Variants in SLC5A11 observed in about 807,000 individuals in gnomAD.
SLC5A11 encodes the protein solute carrier family 5 member 11, also known as sodium/myo-inositol cotransporter 2.
In SLC5A11, 48 loss-of-function variants were observed where a neutral mutation model predicts 69.8. The observed-to-expected ratio is 0.69, with a 90% CI of 0.55 to 0.87. SLC5A11 has a LOEUF of 0.87. Among genes scored for constraint, SLC5A11 ranks in the 40% least tolerant of loss-of-function variants. SLC5A11 has a pLI of 0.00. For synonymous variants in SLC5A11, 319 were observed against 342.4 expected, an observed-to-expected ratio of 0.93 and a Z score of 0.75; for missense variants, 784 against 866.1, an observed-to-expected ratio of 0.91 and a Z score of 1.19.
At chr16:24,849,587 AAAAAAAATAT>A (rs1384904390) in intron 1 of SLC5A11, among the ~76,000 whole-genome samples, 16 of 81,882 alleles carry the variant, frequency 2.0e-4, no homozygotes, top group African/African-American at 4.8e-4. Context: ...AAAAAAAAAA[AAAAAAAATAT>A]ATATATATAT....
chr16:24,909,381 T>C (rs2050322260), intron 14 of SLC5A11, among the ~76,000 whole-genome samples: 1 of 152,104 alleles, frequency 6.6e-6, no homozygotes, highest in African/African-American at 2.4e-5. Context: ...GGCTCATGCC[T>C]GTAATCCCAG....
At chr16:24,848,355 C>T (rs2059121048) in intron 1 of SLC5A11, among the ~76,000 whole-genome samples, 1 of 152,138 alleles carries the variant, frequency 6.6e-6, no homozygotes, top group South Asian at 2.1e-4. Flanking sequence ...ATGCCTGCAA[C>T]CTCAGTGCTT....
chr16:24,867,802 C>T (rs1459836521), intron 3 of SLC5A11, among the ~76,000 whole-genome samples: 1 of 151,998 alleles, frequency 6.6e-6, no homozygotes, highest in Admixed American at 6.6e-5. Flanking sequence ...AGTACCAAAA[C>T]TGACTCAAGT....
chr16:24,911,166 C>CAAAA (rs59292009), intron 15 of SLC5A11, among the ~76,000 whole-genome samples, 162 bp from the exon 17 acceptor site: 129 of 65,998 alleles, frequency 2.0e-3, no homozygotes, highest in African/African-American at 5.5e-3. Flanking sequence ...GAGACTCTCT[C>CAAAA]AAAAAAAAAA....
intron 7 of SLC5A11, 41 bp downstream of exon 8, chr16:24,877,404 G>C: frequency 6.6e-7 from 1 of 1,511,690 alleles, no homozygotes; most frequent in Admixed American, 1.7e-5. Context: ...GAGGCAGTGG[G>C]CAGGGGCTGT....
intron 15 of SLC5A11, among the ~76,000 whole-genome samples, chr16:24,910,828 C>T (rs150016967): frequency 3.2e-3 from 490 of 152,232 alleles, no homozygotes; most frequent in African/African-American, 0.011. Flanking sequence ...CATATTTTGG[C>T]TTAGCCCACC....
intron 5 of SLC5A11, 85 bp downstream of exon 6, chr16:24,872,304 C>T: frequency 8.9e-6 from 13 of 1,466,050 alleles, no homozygotes; most frequent in Non-Finnish European, 1.2e-5. Flanking sequence ...ATCCCGCCAT[C>T]CCTCCCTCCT....
chr16:24,865,706 G>C (rs950112688), intron 3 of SLC5A11, among the ~76,000 whole-genome samples: 2 of 152,014 alleles, frequency 1.3e-5, no homozygotes, highest in Non-Finnish European at 2.9e-5. Flanking sequence ...TACATTCCTA[G>C]ACTTTTTTCT....
chr16:24,883,941 G>A, intron 7 of SLC5A11, 110 bp from the exon 9 acceptor site: 1 of 928,038 alleles, frequency 1.1e-6, no homozygotes, highest in Non-Finnish European at 1.7e-6. Context: ...CAATCAGTCA[G>A]CACTAAGAAA....
chr16:24,870,468 CCCA>C (rs2047218551), intron 4 of SLC5A11, among the ~76,000 whole-genome samples: 2 of 149,226 alleles, frequency 1.3e-5, no homozygotes, highest in Admixed American at 6.7e-5. Context: ...CACACACAAA[CCCA>C]AAAAACACAA....
At chr16:24,870,028 A>C in intron 4 of SLC5A11, 23 bp downstream of exon 5, 1 of 1,512,370 alleles carries the variant, frequency 6.6e-7, no homozygotes, top group Non-Finnish European at 9.2e-7. Context: ...CCTAGGGCAT[A>C]GATGACATCT....
At chr16:24,899,596 G>T (rs950712194) in intron 10 of SLC5A11, among the ~76,000 whole-genome samples, 43 of 152,086 alleles carry the variant, frequency 2.8e-4, no homozygotes, top group Non-Finnish European at 5.9e-4. Context: ...CAGAGATGGG[G>T]TTTCACCATG....
chr16:24,861,348 C>T (rs1435416605), intron 2 of SLC5A11, among the ~76,000 whole-genome samples: 1 of 151,934 alleles, frequency 6.6e-6, no homozygotes, highest in Non-Finnish European at 1.5e-5. Flanking sequence ...AGCATGGTGG[C>T]ATATGCCTGT....
chr16:24,858,638 AG>A, exon 2 of SLC5A11: 2 of 1,607,130 alleles, frequency 1.2e-6, no homozygotes, highest in Non-Finnish European at 1.7e-6. Flanking sequence ...GGTCTCGTTC[AG>A]GACCATGGAG....
Position 24,884,148 on chromosome 16 carries a change from G to T in SLC5A11, c.664+17G>T. 1 of 1,613,022 alleles carries T rather than the reference G, an allele frequency of 6.2e-7. No homozygotes were observed. The highest frequency in any genetic ancestry group is 8.5e-7 in the Non-Finnish European group (1 of 1,179,102). On this transcript the variant is annotated intron_variant, in intron 8 of 15. Coordinates refer to ENST00000347898, the Ensembl canonical transcript of SLC5A11. ...TGGGCTACAGTAAGTGGGGTCCCCG[G>T]GTCACTGGGGCGGACAACAGCACCT...
intron 10 of SLC5A11, among the ~76,000 whole-genome samples, chr16:24,905,359 G>A (rs1027342240): frequency 5.3e-5 from 8 of 150,498 alleles, no homozygotes; most frequent in Non-Finnish European, 1.0e-4. Context: ...CAGGAGAATC[G>A]CTTGAACCTG....
chr16:24,893,763 G>T (rs2048970863), intron 9 of SLC5A11, among the ~76,000 whole-genome samples: 1 of 151,936 alleles, frequency 6.6e-6, no homozygotes, highest in Admixed American at 6.6e-5. Context: ...GTAGAGATAG[G>T]GTTTCGCTAT....
intron 6 of SLC5A11, among the ~76,000 whole-genome samples, chr16:24,876,024 A>G (rs11647146): frequency 0.31 from 46,835 of 151,654 alleles, 7,610 homozygotes; most frequent in East Asian, 0.4. Context: ...GCGAAACCCC[A>G]TCTCTACCAG....
intron 5 of SLC5A11, among the ~76,000 whole-genome samples, chr16:24,873,247 G>A (rs79759832): frequency 2.1e-3 from 211 of 101,482 alleles, no homozygotes; most frequent in African/African-American, 7.2e-3. Context: ...GAGAGGGAGG[G>A]AGGAAGGAAG....
Sources: gnomAD v4.1 joint callset for allele counts (sites outside exome capture counted in the v4.1 genomes callset) on GRCh38, gnomAD v4.1.1 for gene constraint, MANE v1.5 for transcripts, NCBI Gene and HGNC (gene_info 2026-07-23, HGNC 2026-07-21) for gene names.